SYT9: variants seen among roughly 807,000 people sequenced by gnomAD.
SYT9 encodes the protein synaptotagmin-9.
Under a neutral mutation model 48.4 loss-of-function variants are expected in SYT9, and 22 were observed. The ratio of observed to expected loss-of-function variants is 0.45; its 90% confidence interval spans 0.32 to 0.65. The LOEUF (loss-of-function observed/expected upper bound fraction) is 0.65. Among genes scored for constraint, SYT9 ranks in the 30% least tolerant of loss-of-function variants. The pLI, the probability that SYT9 is intolerant of heterozygous loss-of-function variation, is 0.03. For missense variants in SYT9, 577 were observed against 622.0 expected, an observed-to-expected ratio of 0.93 and a Z score of 0.77; for synonymous variants, 265 against 245.0, an observed-to-expected ratio of 1.08 and a Z score of -0.76.
chr11:7,257,632 A>T (rs913535410), intron 1 of SYT9, among the ~76,000 whole-genome samples: 3 of 152,152 alleles, frequency 2.0e-5, no homozygotes, highest in African/African-American at 7.2e-5. Flanking sequence ...GAAACACTGG[A>T]TGTTTATGAA....
chr11:7,463,921 C>G lies in SYT9; in HGVS notation c.1468-2871C>G, dbSNP rs111265432. Among the ~76,000 whole-genome samples the G allele has an allele frequency of 2.7e-3, 411 of 152,256 alleles. 5 individuals carry two copies. The highest frequency in any genetic ancestry group is 8.2e-3 in the African/African-American group (340 of 41,538). Reference sequence around the variant, plus strand: ...AGTTCAGGTGGGAGCTGTGCTATGACTTGGCCATTGGCAACAATGCCAATG... The same window carrying G: ...AGTTCAGGTGGGAGCTGTGCTATGAGTTGGCCATTGGCAACAATGCCAATG... On this transcript the variant is annotated intron_variant, in intron 6 of 6. Transcript: ENST00000318881.
chr11:7,448,983 T>C (rs911315701), intron 6 of SYT9, among the ~76,000 whole-genome samples: 1 of 152,042 alleles, frequency 6.6e-6, no homozygotes, highest in African/African-American at 2.4e-5. Flanking sequence ...AGGGTGTTGC[T>C]GATGGAACCA....
intron 6 of SYT9, among the ~76,000 whole-genome samples, chr11:7,423,100 C>T (rs926427698): frequency 6.6e-6 from 1 of 152,124 alleles, no homozygotes; most frequent in African/African-American, 2.4e-5. Flanking sequence ...AAATGAAATG[C>T]CTGTGGGGCT....
chr11:7,434,520 G>C (rs80042338), intron 6 of SYT9, among the ~76,000 whole-genome samples: 2,708 of 152,250 alleles, frequency 0.018, 84 homozygotes, highest in African/African-American at 0.061. Flanking sequence ...TCAGCCTGGT[G>C]GTGGAGGTGA....
At chr11:7,280,370 CAT>C (rs960307614) in intron 1 of SYT9, among the ~76,000 whole-genome samples, 2 of 152,230 alleles carry the variant, frequency 1.3e-5, no homozygotes, top group African/African-American at 4.8e-5. Context: ...AACAATGACA[CAT>C]GTCAGAACTT....
At position 7,389,481 on chromosome 11, in the gene SYT9, C is replaced by A. The variant is rs143070061; in HGVS notation, c.1045-26561C>A. On this transcript the variant is annotated intron_variant, in intron 3 of 6. Transcript: ENST00000318881. ...TACCCCCATTATCTCTTGAGAACTC[C>A]CCCATAAAATGAGAGTAGATGAACT... 2.7e-3 allele frequency among the ~76,000 whole-genome samples: 404 copies of A among 152,110 alleles called. 12 individuals are homozygous for A. In the East Asian group the frequency reaches 0.064, roughly 24 times the overall value.
chr11:7,363,636 T>A (rs1850187037), intron 3 of SYT9, among the ~76,000 whole-genome samples: 2 of 152,172 alleles, frequency 1.3e-5, no homozygotes, highest in African/African-American at 4.8e-5. Context: ...GAAAACTTCT[T>A]ACATTTAAAG....
At chr11:7,443,144 T>A (rs1165194129) in intron 6 of SYT9, among the ~76,000 whole-genome samples, 1 of 152,188 alleles carries the variant, frequency 6.6e-6, no homozygotes, top group East Asian at 1.9e-4. Flanking sequence ...CCTAACATGT[T>A]CACCTGAAAA....
upstream of SYT9, among the ~76,000 whole-genome samples, chr11:7,247,154 G>T (rs1209006025): frequency 6.6e-6 from 1 of 152,062 alleles, no homozygotes; most frequent in Non-Finnish European, 1.5e-5. Context: ...TTGGTTACAT[G>T]ATTAAATTCT....
chr11:7,404,086 C>T (rs1333912046), intron 3 of SYT9, among the ~76,000 whole-genome samples: 1 of 152,074 alleles, frequency 6.6e-6, no homozygotes, highest in Non-Finnish European at 1.5e-5. Flanking sequence ...AATTTAGCCA[C>T]TCCAGATATA....
upstream of SYT9, among the ~76,000 whole-genome samples, chr11:7,247,313 C>G (rs944837701): frequency 6.6e-6 from 1 of 151,874 alleles, no homozygotes; most frequent in East Asian, 1.9e-4. Flanking sequence ...TTTGCATCCT[C>G]ACAGCTTAGC....
chr11:7,379,111 G>C (rs1850509398), intron 3 of SYT9, among the ~76,000 whole-genome samples: 1 of 152,066 alleles, frequency 6.6e-6, no homozygotes, highest in Non-Finnish European at 1.5e-5. Flanking sequence ...TTCAGAATAG[G>C]TTCTTAACAT....
intron 3 of SYT9, among the ~76,000 whole-genome samples, chr11:7,400,038 C>T (rs11041352): frequency 0.15 from 23,277 of 152,136 alleles, 2,218 homozygotes; most frequent in African/African-American, 0.27. Context: ...GTTTATGCCA[C>T]GTACTTACCC....
At chr11:7,417,044 A>C (rs1213165423) in intron 4 of SYT9, among the ~76,000 whole-genome samples, 3 of 152,220 alleles carry the variant, frequency 2.0e-5, no homozygotes, top group African/African-American at 7.2e-5. Context: ...GCAAATTCAC[A>C]AGCAACCTCT....
intron 1 of SYT9, among the ~76,000 whole-genome samples, chr11:7,288,831 G>A (rs980923085): frequency 2.6e-5 from 4 of 152,182 alleles, no homozygotes; most frequent in Admixed American, 1.3e-4. Flanking sequence ...TCAGGTGTGA[G>A]AACCCTGCTC....
intron 3 of SYT9, among the ~76,000 whole-genome samples, chr11:7,389,849 T>A (rs955020540): frequency 6.6e-6 from 1 of 152,002 alleles, no homozygotes. Flanking sequence ...AAAACCTACA[T>A]AAGAATGGCA....
At chr11:7,281,710 T>C (rs1848496105) in intron 1 of SYT9, among the ~76,000 whole-genome samples, 1 of 152,242 alleles carries the variant, frequency 6.6e-6, no homozygotes, top group Admixed American at 6.5e-5. Flanking sequence ...GCCACCACTT[T>C]TGTGTAAATT....
rs1050453085 is a variant in SYT9, at chr11:7,254,619, C to T, written c.145+2288C>T. Among the ~76,000 whole-genome samples the T allele has an allele frequency of 2.6e-5, 4 of 152,140 alleles. No homozygotes were observed. In the East Asian group the frequency reaches 7.7e-4, roughly 29 times the overall value. ...ACCAGAACAACCATGCACAGCAGCC[C>T]TGAGACATGGGTTCCTAGAGAGAGT... On this transcript the variant is annotated intron_variant, in intron 1 of 6. Coordinates refer to ENST00000318881, the MANE Select transcript of SYT9 (RefSeq NM_175733.4).
At chr11:7,264,464 G>A (rs2119817403) in intron 1 of SYT9, among the ~76,000 whole-genome samples, 1 of 152,092 alleles carries the variant, frequency 6.6e-6, no homozygotes, top group South Asian at 2.1e-4. Context: ...AGAGTTGAGG[G>A]TATGTAGAAT....
Sources: gnomAD v4.1 joint callset for allele counts (sites outside exome capture counted in the v4.1 genomes callset) on GRCh38, gnomAD v4.1.1 for gene constraint, MANE v1.5 for transcripts, NCBI Gene and HGNC (gene_info 2026-07-23, HGNC 2026-07-21) for gene names.